The following CLDN11 variants were observed in gnomAD, a reference collection of about 807,000 sequenced individuals.
CLDN11 encodes claudin 11, also known as claudin-11.
CLDN11 carries 1 observed loss-of-function variant against 18.0 expected under a neutral mutation model. The observed-to-expected ratio is 0.06, with a 90% CI of 0.02 to 0.26. CLDN11 has a LOEUF of 0.26. CLDN11 is among the 10% of genes least tolerant of loss of function. The pLI is 1.00. For missense variants in CLDN11, 172 were observed against 276.6 expected, an observed-to-expected ratio of 0.62 and a Z score of 2.68; for synonymous variants, 116 against 121.5, an observed-to-expected ratio of 0.96 and a Z score of 0.30.
rs559716791 is a variant in CLDN11, at chr3:170,424,302, T to C, written c.391+975T>C. Among the ~76,000 whole-genome samples, 5 of 152,212 alleles carry C rather than the reference T, an allele frequency of 3.3e-5. No individual in the cohort carries two copies. The South Asian group carries it at 1.0e-3, about 32-fold the overall frequency. ...AAGGTATATAGTCTGTGCATACACA[T>C]AGGAAGGCACCTAACCCAGACTGGA... On this transcript the variant is annotated intron_variant, in intron 2 of 2. Coordinates refer to ENST00000064724, the MANE Select transcript of CLDN11 (RefSeq NM_005602.6).
At position 170,434,670 on chromosome 3, in the gene CLDN11, C is replaced by T. The variant is rs571463546; in HGVS notation, c.*1914C>T. 6.6e-6 allele frequency among the ~76,000 whole-genome samples: 1 copy of T among 152,280 alleles called. No homozygotes were observed. The highest frequency in any genetic ancestry group is 1.5e-5 in the Non-Finnish European group (1 of 68,022). On this transcript the variant is annotated 3_prime_UTR_variant, in exon 3 of 3. Transcript: ENST00000064724. ...TGGCAGACTTCTTTCAAATAAAATA[C>T]TAATTTCATTAGCTGATAGTATAGT...
chr3:170,428,828 T>C (rs1426416641), intron 2 of CLDN11, among the ~76,000 whole-genome samples: 1 of 152,226 alleles, frequency 6.6e-6, no homozygotes, highest in Non-Finnish European at 1.5e-5. Flanking sequence ...TCTGATGATA[T>C]AAAAAGAAAA....
Position 170,434,418 on chromosome 3 carries a change from C to A in CLDN11, c.*1662C>A, listed in dbSNP as rs1180319129. Among the ~76,000 whole-genome samples the A allele has an allele frequency of 2.0e-5, 3 of 152,202 alleles. No individual in the cohort carries two copies. The highest frequency in any genetic ancestry group is 4.4e-5 in the Non-Finnish European group (3 of 68,036). ...GTTAATGTCCTTCATCTACTTCTAACACTTAGTAAAGGAATTGATTGGCTA... is the reference window on the plus strand; with the variant it reads ...GTTAATGTCCTTCATCTACTTCTAAAACTTAGTAAAGGAATTGATTGGCTA... On this transcript the variant is annotated 3_prime_UTR_variant, in exon 3 of 3. Transcript: ENST00000064724.
chr3:170,426,809 C>T (rs768791846), intron 2 of CLDN11, among the ~76,000 whole-genome samples: 14 of 151,962 alleles, frequency 9.2e-5, no homozygotes, highest in Non-Finnish European at 1.8e-4. Flanking sequence ...TGAGACGGAC[C>T]TTTGCTCTGT....
chr3:170,428,697 C>T (rs1477980234), intron 2 of CLDN11, among the ~76,000 whole-genome samples: 1 of 152,044 alleles, frequency 6.6e-6, no homozygotes, highest in Non-Finnish European at 1.5e-5. Context: ...CAAATGGTAC[C>T]CCCCACCACC....
rs1456104875 is a variant in CLDN11 at position 170,432,669 on chromosome 3, T to A, written c.537T>A (p.Ala179=). The A allele has an allele frequency of 6.2e-7, 1 of 1,614,090 alleles. No homozygotes were observed. Among genetic ancestry groups the A allele is most frequent in the Non-Finnish European group, 8.5e-7 (1 of 1,180,042 alleles). ...LVGGCVILCC[A]GDAQAFGENR... is the part of the protein sequence containing the mutation. ...GTGGCTGTGTCATCCTCTGCTGCGC[T>A]GGAGATGCCCAGGCCTTTGGTGAAA... Residue 179 remains alanine, a synonymous_variant, in exon 3 of 3, where the codon GCT becomes GCA. Coordinates refer to ENST00000064724, the MANE Select transcript of CLDN11 (RefSeq NM_005602.6).
intron 2 of CLDN11, among the ~76,000 whole-genome samples, chr3:170,424,841 G>A (rs992277636): frequency 1.3e-5 from 2 of 152,148 alleles, no homozygotes; most frequent in African/African-American, 4.8e-5. Context: ...TAAGGTGAGG[G>A]GACATGAGAG....
intron 2 of CLDN11, among the ~76,000 whole-genome samples, chr3:170,429,766 G>C (rs1053169133): frequency 6.6e-6 from 1 of 152,176 alleles, no homozygotes; most frequent in Non-Finnish European, 1.5e-5. Context: ...TTTAGAGGCA[G>C]TTTCTTGTCT....
rs746877615 is a variant in CLDN11 at position 170,432,808 on chromosome 3, C to G, written c.*52C>G. ...TGCTGTAGATGCTGGGCCCAGGGCC[C>G]TAGGTTTGCTCGTCACAGTGTGGGG... On this transcript the variant is annotated 3_prime_UTR_variant, in exon 3 of 3. Transcript: ENST00000064724. 6.4e-7 allele frequency: 1 copy of G among 1,560,668 alleles called. No homozygotes were observed. The highest frequency in any genetic ancestry group is 8.8e-7 in the Non-Finnish European group (1 of 1,132,154).
rs547364813 is a variant in CLDN11, at chr3:170,430,789, G to A, written c.392-1735G>A. 7.2e-5 allele frequency among the ~76,000 whole-genome samples: 11 copies of A among 152,002 alleles called. 1 individual carries two copies. The highest frequency in any genetic ancestry group is 2.6e-4 in the Admixed American group (4 of 15,260). On this transcript the variant is annotated intron_variant, in intron 2 of 2. Transcript: ENST00000064724. ...TTGAACTCCTGACCTCAGGTGATTC[G>A]CCCACCTTGGCCTCCCAAAGTGCTG...
chr3:170,427,618 T>G (rs1444904517), intron 2 of CLDN11, among the ~76,000 whole-genome samples: 1 of 148,298 alleles, frequency 6.7e-6, no homozygotes, highest in African/African-American at 2.5e-5. Context: ...CAAAAATCCA[T>G]CTCAAAAAAA....
intron 1 of CLDN11, among the ~76,000 whole-genome samples, chr3:170,422,510 C>T (rs1156648522): frequency 6.6e-6 from 1 of 152,178 alleles, no homozygotes; most frequent in African/African-American, 2.4e-5. Context: ...CAACCTCCCC[C>T]TCTCAGGTTC....
intron 1 of CLDN11, chr3:170,422,955 A>G: frequency 1.7e-6 from 1 of 576,876 alleles, no homozygotes; most frequent in Non-Finnish European, 3.0e-6. Flanking sequence ...AGGGGTCCCC[A>G]TTTAGTTTCT....
chr3:170,432,806 C>G lies in CLDN11; in HGVS notation c.*50C>G. 6.4e-7 allele frequency: 1 copy of G among 1,569,390 alleles called. No individual in the cohort carries two copies. The highest frequency in any genetic ancestry group is 8.8e-7 in the Non-Finnish European group (1 of 1,139,770). On this transcript the variant is annotated 3_prime_UTR_variant, in exon 3 of 3. Transcript: ENST00000064724. ...GGTGCTGTAGATGCTGGGCCCAGGGCCCTAGGTTTGCTCGTCACAGTGTGG... is the reference window on the plus strand; with the variant it reads ...GGTGCTGTAGATGCTGGGCCCAGGGGCCTAGGTTTGCTCGTCACAGTGTGG...
At chr3:170,425,278 T>G (rs1441690388) in intron 2 of CLDN11, among the ~76,000 whole-genome samples, 1 of 152,218 alleles carries the variant, frequency 6.6e-6, no homozygotes, top group African/African-American at 2.4e-5. Context: ...TCTTGGGCTC[T>G]GAGGATGGCA....
chr3:170,422,877 G>A (rs978663117), intron 1 of CLDN11, among the ~76,000 whole-genome samples: 1 of 152,210 alleles, frequency 6.6e-6, no homozygotes, highest in African/African-American at 2.4e-5. Context: ...ACTTTCTCAG[G>A]GGGATGTAAT....
chr3:170,432,508 C>T lies in CLDN11; in HGVS notation c.392-16C>T, dbSNP rs776640561. On this transcript the variant is annotated splice_polypyrimidine_tract_variant and intron_variant, in intron 2 of 2. Transcript: ENST00000064724. ...TGATGGTTGCGCCCAGTCACCGCCTCTCCATGTCTCTCCAGCTCTCTGCGC... is the reference window on the plus strand; with the variant it reads ...TGATGGTTGCGCCCAGTCACCGCCTTTCCATGTCTCTCCAGCTCTCTGCGC... 14 of 1,610,806 alleles carry T rather than the reference C, an allele frequency of 8.7e-6. No homozygotes were observed. Among genetic ancestry groups the T allele is most frequent in the Non-Finnish European group, 1.1e-5 (13 of 1,180,010 alleles).
At chr3:170,430,334 C>A (rs1455419057) in intron 2 of CLDN11, among the ~76,000 whole-genome samples, 1 of 152,152 alleles carries the variant, frequency 6.6e-6, no homozygotes, top group Non-Finnish European at 1.5e-5. Context: ...AAAAGACTTT[C>A]CCCTGCATCT....
At chr3:170,432,483 T>C in intron 2 of CLDN11, 41 bp from the exon 3 acceptor site, 5 of 1,607,852 alleles carry the variant, frequency 3.1e-6, no homozygotes, top group East Asian at 2.2e-5. Flanking sequence ...GCTTGGTGTG[T>C]GATGGTTGCG....
Sources: gnomAD v4.1 joint callset for allele counts (sites outside exome capture counted in the v4.1 genomes callset) on GRCh38, gnomAD v4.1.1 for gene constraint, MANE v1.5 for transcripts, NCBI Gene and HGNC (gene_info 2026-07-23, HGNC 2026-07-21) for gene names.